PPARGC1A: variants seen among roughly 807,000 people sequenced by gnomAD.
PPARGC1A encodes peroxisome proliferator-activated receptor gamma coactivator 1-alpha.
In PPARGC1A, 25 loss-of-function variants were observed where a neutral mutation model predicts 88.7. The observed-to-expected ratio is 0.28, with a 90% confidence interval of 0.21 to 0.39. The LOEUF (loss-of-function observed/expected upper bound fraction) is 0.39, where lower values mean the gene tolerates loss of function less well. Among genes scored for constraint, PPARGC1A ranks in the 10% least tolerant of loss-of-function variants. The pLI is 1.00. For missense variants in PPARGC1A, 880 were observed against 968.7 expected, an observed-to-expected ratio of 0.91 and a Z score of 1.22; for synonymous variants, 363 against 355.6, an observed-to-expected ratio of 1.02 and a Z score of -0.24.
At chr4:23,917,445 T>C in the PPARGC1A span, among the ~76,000 whole-genome samples, 1 of 151,422 alleles carries the variant, frequency 6.6e-6, no homozygotes, top group South Asian at 2.1e-4. Context: ...TGCCTCAGCT[T>C]CCCGAGTAGC....
the PPARGC1A span, among the ~76,000 whole-genome samples, chr4:24,109,295 TTA>T: frequency 3.9e-5 from 4 of 103,496 alleles, no homozygotes; most frequent in Non-Finnish European, 7.3e-5. Context: ...CACCATTTCA[TTA>T]TACACACACA....
the PPARGC1A span, among the ~76,000 whole-genome samples, chr4:24,339,351 C>T: frequency 6.6e-6 from 1 of 151,748 alleles, no homozygotes; most frequent in Non-Finnish European, 1.5e-5. Context: ...AAGCCTTCCA[C>T]ATTCTGGCCT....
At chr4:24,301,361 T>C in the PPARGC1A span, among the ~76,000 whole-genome samples, 7 of 152,220 alleles carry the variant, frequency 4.6e-5, no homozygotes, top group African/African-American at 1.4e-4. Context: ...ATAACACCAG[T>C]AGTGATTTAC....
the PPARGC1A span, among the ~76,000 whole-genome samples, chr4:23,925,811 A>G: frequency 2.6e-5 from 4 of 151,778 alleles, no homozygotes; most frequent in African/African-American, 9.7e-5. Flanking sequence ...CTAGATAGTT[A>G]CTTGCAGTGA....
the PPARGC1A span, among the ~76,000 whole-genome samples, chr4:24,159,176 C>T: frequency 7.0e-6 from 1 of 142,104 alleles, no homozygotes; most frequent in East Asian, 2.2e-4. Context: ...CTATTTTATA[C>T]ATAAGAAACT....
the PPARGC1A span, among the ~76,000 whole-genome samples, chr4:24,441,549 A>G: frequency 6.6e-6 from 1 of 152,204 alleles, no homozygotes; most frequent in African/African-American, 2.4e-5. Flanking sequence ...ATGTTACAGG[A>G]CATAGGAGGA....
chr4:24,353,002 G>T, the PPARGC1A span, among the ~76,000 whole-genome samples: 1 of 152,278 alleles, frequency 6.6e-6, no homozygotes, highest in African/African-American at 2.4e-5. Flanking sequence ...GAGTTCGTTA[G>T]CTGATCACCG....
At chr4:24,337,318 C>G in the PPARGC1A span, among the ~76,000 whole-genome samples, 3 of 152,220 alleles carry the variant, frequency 2.0e-5, no homozygotes, top group Admixed American at 6.5e-5. Context: ...TAAAGCCATT[C>G]TCTTATTCAT....
At chr4:23,978,334 G>A in the PPARGC1A span, among the ~76,000 whole-genome samples, 1 of 152,248 alleles carries the variant, frequency 6.6e-6, no homozygotes, top group East Asian at 1.9e-4. Flanking sequence ...CATTTGGTTT[G>A]CATAGAAGAT....
At chr4:24,394,247 C>T in the PPARGC1A span, among the ~76,000 whole-genome samples, 1 of 152,196 alleles carries the variant, frequency 6.6e-6, no homozygotes, top group African/African-American at 2.4e-5. Flanking sequence ...CTCGGGTTTA[C>T]TCACGGCCAT....
chr4:24,356,026 G>A, the PPARGC1A span, among the ~76,000 whole-genome samples: 3 of 151,904 alleles, frequency 2.0e-5, no homozygotes, highest in African/African-American at 7.3e-5. Context: ...GAGAAACCCT[G>A]TCTCTACTAA....
the PPARGC1A span, among the ~76,000 whole-genome samples, chr4:24,356,694 T>G: frequency 6.6e-6 from 1 of 152,200 alleles, no homozygotes; most frequent in East Asian, 1.9e-4. Context: ...CATCCTCTTT[T>G]ATCACAGTAA....
At chr4:24,189,577 C>T in the PPARGC1A span, among the ~76,000 whole-genome samples, 271 of 152,234 alleles carry the variant, frequency 1.8e-3, 6 homozygotes, top group African/African-American at 5.7e-3. Flanking sequence ...CCCTAATCAC[C>T]TCTACTACAA....
the PPARGC1A span, among the ~76,000 whole-genome samples, chr4:24,252,927 T>C: frequency 3.2e-3 from 484 of 152,358 alleles, 1 homozygote; most frequent in African/African-American, 0.011. Context: ...TCCAAATTTA[T>C]AATATAGCCT....
chr4:24,050,984 G>A, the PPARGC1A span, among the ~76,000 whole-genome samples: 1 of 151,910 alleles, frequency 6.6e-6, no homozygotes, highest in Non-Finnish European at 1.5e-5. Flanking sequence ...TCAGGAGATG[G>A]AGACCATCCT....
the PPARGC1A span, among the ~76,000 whole-genome samples, chr4:24,177,426 C>T: frequency 2.8e-5 from 4 of 142,768 alleles, no homozygotes; most frequent in South Asian, 2.2e-4. Context: ...TGAGAACACA[C>T]GGACACAGGA....
At chr4:24,262,076 G>A in the PPARGC1A span, among the ~76,000 whole-genome samples, 7 of 152,176 alleles carry the variant, frequency 4.6e-5, no homozygotes, top group Non-Finnish European at 8.8e-5. Flanking sequence ...GCCAGGAGAT[G>A]CATGCCTAAG....
chr4:24,142,184 T>C, the PPARGC1A span, among the ~76,000 whole-genome samples: 10 of 152,012 alleles, frequency 6.6e-5, no homozygotes, highest in African/African-American at 2.2e-4. Flanking sequence ...CTCCATAGAG[T>C]GTTTGAAGCA....
the PPARGC1A span, among the ~76,000 whole-genome samples, chr4:24,420,859 G>A: frequency 1.3e-5 from 2 of 152,106 alleles, no homozygotes; most frequent in South Asian, 4.1e-4. Context: ...CACAATTCTG[G>A]AGCCTGGGAA....
Sources: gnomAD v4.1 joint callset for allele counts (sites outside exome capture counted in the v4.1 genomes callset) on GRCh38, gnomAD v4.1.1 for gene constraint, MANE v1.5 for transcripts, NCBI Gene and HGNC (gene_info 2026-07-23, HGNC 2026-07-21) for gene names.